Variants in SLC6A5 observed in about 807,000 individuals in gnomAD.
SLC6A5 encodes sodium- and chloride-dependent glycine transporter 2.
Under a neutral mutation model 90.5 loss-of-function variants are expected in SLC6A5, and 58 were observed. The ratio of observed to expected loss-of-function variants is 0.64; its 90% CI spans 0.52 to 0.80. The LOEUF (loss-of-function observed/expected upper bound fraction) is 0.80, where lower values mean the gene tolerates loss of function less well. SLC6A5 is among the 30% of genes least tolerant of loss of function. SLC6A5 has a pLI of 0.00. For missense variants in SLC6A5, 1,015 were observed against 1,017.6 expected, an observed-to-expected ratio of 1.00 and a Z score of 0.03; for synonymous variants, 427 against 401.4, an observed-to-expected ratio of 1.06 and a Z score of -0.76.
chr11:20,652,218 G>T (rs1194767246), intron 14 of SLC6A5, 71 bp from the exon 15 acceptor site: 1 of 1,387,176 alleles, frequency 7.2e-7, no homozygotes, highest in Non-Finnish European at 1.0e-6. Context: ...CATAACGGGG[G>T]TTTAATAGTG....
At chr11:20,601,084 G>T (rs1465689903) in intron 1 of SLC6A5, 45 bp from the exon 2 acceptor site, 1 of 1,553,236 alleles carries the variant, frequency 6.4e-7, no homozygotes, top group Non-Finnish European at 8.7e-7. Context: ...TATTTTAAAA[G>T]CTGTTGTGAC....
At chr11:20,602,829 T>C (rs1852505611) in intron 2 of SLC6A5, among the ~76,000 whole-genome samples, 1 of 152,228 alleles carries the variant, frequency 6.6e-6, no homozygotes, top group South Asian at 2.1e-4. Context: ...AGTGTTTTTC[T>C]ATGTATATTA....
intron 12 of SLC6A5, 84 bp downstream of exon 12, chr11:20,637,387 T>C (rs1853230581): frequency 2.4e-6 from 3 of 1,252,542 alleles, no homozygotes; most frequent in Non-Finnish European, 3.5e-6. Context: ...CCCTTAGCTC[T>C]CAGACCTTAT....
Position 20,658,110 on chromosome 11 carries a change from T to C in SLC6A5, c.*3242T>C, listed in dbSNP as rs1014876711. 6.6e-6 allele frequency: 1 copy of C among 152,216 alleles called. No homozygotes were observed. The highest frequency in any genetic ancestry group is 2.4e-5 in the African/African-American group (1 of 41,454). 9.4% of individuals were successfully genotyped at this position (152,216 alleles called of 1,614,324 possible). A position where few individuals can be genotyped will look rare whatever the true frequency, so the allele number is the denominator to read the frequency against. ...ACCTTTAAATGGATAGGACTTGGGT[T>C]GTTTTTATGGTAATGTTGCATTGGA... On this transcript the variant is annotated 3_prime_UTR_variant, in exon 16 of 16. Coordinates refer to ENST00000525748, the MANE Select transcript of SLC6A5 (RefSeq NM_004211.5).
chr11:20,641,209 C>T (rs138751587), intron 13 of SLC6A5, among the ~76,000 whole-genome samples: 1 of 152,246 alleles, frequency 6.6e-6, no homozygotes, highest in African/African-American at 2.4e-5. Flanking sequence ...GGCCTTTTGG[C>T]TGGAGAAACA....
chr11:20,618,005 T>A, intron 7 of SLC6A5, 121 bp downstream of exon 7: 1 of 1,011,944 alleles, frequency 9.9e-7, no homozygotes, highest in Non-Finnish European at 1.5e-6. Context: ...GACTCTGCCC[T>A]GGAGCAGCTG....
chr11:20,632,903 T>C (rs980028760), intron 10 of SLC6A5, among the ~76,000 whole-genome samples: 17 of 152,186 alleles, frequency 1.1e-4, no homozygotes, highest in Admixed American at 5.2e-4. Flanking sequence ...TGCGATTTAG[T>C]TTACCACTCC....
chr11:20,635,199 G>A (rs1326469876), intron 10 of SLC6A5, among the ~76,000 whole-genome samples: 2 of 152,154 alleles, frequency 1.3e-5, no homozygotes, highest in Non-Finnish European at 2.9e-5. Flanking sequence ...TGTTTTACCT[G>A]CGTTTTCTCA....
intron 5 of SLC6A5, 28 bp from the exon 6 acceptor site, chr11:20,614,651 T>C: frequency 6.2e-7 from 1 of 1,605,992 alleles, no homozygotes; most frequent in Non-Finnish European, 8.5e-7. Flanking sequence ...GATTTAACTG[T>C]GTTTCTATTC....
intron 1 of SLC6A5, 104 bp downstream of exon 1, chr11:20,599,779 G>T: frequency 2.3e-6 from 3 of 1,317,360 alleles, no homozygotes; most frequent in Non-Finnish European, 2.2e-6. Context: ...GCATTGGGTG[G>T]GGGGAAAGGG....
At chr11:20,652,814 C>T (rs922278354) in intron 15 of SLC6A5, among the ~76,000 whole-genome samples, 4 of 152,184 alleles carry the variant, frequency 2.6e-5, no homozygotes, top group South Asian at 2.1e-4. Context: ...ATTCCCCCTT[C>T]CCTGATGCTC....
intron 13 of SLC6A5, among the ~76,000 whole-genome samples, chr11:20,645,708 G>A (rs1460818685): frequency 2.7e-5 from 4 of 147,004 alleles, no homozygotes; most frequent in Non-Finnish European, 4.5e-5. Context: ...GTGCGATCTC[G>A]GCTCACTACA....
chr11:20,620,597 G>GCC (rs1852870841), intron 7 of SLC6A5, among the ~76,000 whole-genome samples: 1 of 152,128 alleles, frequency 6.6e-6, no homozygotes, highest in East Asian at 1.9e-4. Context: ...GAGCTTTGTT[G>GCC]AACACTGTGT....
intron 5 of SLC6A5, among the ~76,000 whole-genome samples, chr11:20,609,617 T>A (rs1241104946): frequency 6.6e-6 from 1 of 152,226 alleles, no homozygotes; most frequent in Non-Finnish European, 1.5e-5. Context: ...CCAATTGCCT[T>A]CCAGTCTCAC....
rs1298090129 is a variant in SLC6A5, at chr11:20,656,603, A to T, written c.*1735A>T. On this transcript the variant is annotated 3_prime_UTR_variant, in exon 16 of 16. Coordinates refer to ENST00000525748, the MANE Select transcript of SLC6A5 (RefSeq NM_004211.5). ...GGGCAAGTATCATCGCCATTTGCCAACATCAATATGAACTTCCAGTTTTTA... is the reference window on the plus strand; with the variant it reads ...GGGCAAGTATCATCGCCATTTGCCATCATCAATATGAACTTCCAGTTTTTA... 1 of 152,218 alleles carries T rather than the reference A, an allele frequency of 6.6e-6. No individual in the cohort carries two copies. Among genetic ancestry groups the T allele is most frequent in the Non-Finnish European group, 1.5e-5 (1 of 68,030 alleles). The allele number at this position is 152,218 out of a possible 1,614,324, so 9.4% of individuals were successfully genotyped here.
intron 10 of SLC6A5, among the ~76,000 whole-genome samples, chr11:20,635,201 G>A (rs1398405187): frequency 3.3e-5 from 5 of 152,104 alleles, no homozygotes; most frequent in South Asian, 2.1e-4. Context: ...TTTTACCTGC[G>A]TTTTCTCATT....
At chr11:20,611,705 A>G (rs1048721055) in intron 5 of SLC6A5, among the ~76,000 whole-genome samples, 1 of 150,184 alleles carries the variant, frequency 6.7e-6, no homozygotes, top group Non-Finnish European at 1.5e-5. Context: ...CGAGTAAATG[A>G]CCAGGCTGAG....
At chr11:20,645,470 G>C (rs905790029) in intron 13 of SLC6A5, among the ~76,000 whole-genome samples, 1 of 152,050 alleles carries the variant, frequency 6.6e-6, no homozygotes, top group Non-Finnish European at 1.5e-5. Context: ...ATCTGAGGAG[G>C]CTGGGAAATC....
At chr11:20,602,421 T>G (rs1852497815) in intron 2 of SLC6A5, among the ~76,000 whole-genome samples, 1 of 152,208 alleles carries the variant, frequency 6.6e-6, no homozygotes, top group Non-Finnish European at 1.5e-5. Flanking sequence ...AAAGGCAGCT[T>G]TTGCTGGTGG....
Sources: allele counts gnomAD v4.1 joint callset (sites outside exome capture counted in the v4.1 genomes callset), GRCh38; gene constraint gnomAD v4.1.1; transcripts MANE v1.5; gene names NCBI Gene and HGNC (gene_info 2026-07-23, HGNC 2026-07-21).